Variants in ATP2B2 observed in about 807,000 individuals in gnomAD.
ATP2B2 encodes the protein ATPase plasma membrane Ca2+ transporting 2.
Under a neutral mutation model 120.0 loss-of-function variants are expected in ATP2B2, and 15 were observed. The ratio of observed to expected loss-of-function variants is 0.12; its 90% confidence interval spans 0.08 to 0.19. The LOEUF is 0.19. ATP2B2 is among the 10% of genes least tolerant of loss of function. The pLI is 1.00. For missense variants in ATP2B2, 1,045 were observed against 1,719.8 expected (o/e 0.61, Z 6.94); for synonymous variants, 694 against 700.3 (o/e 0.99, Z 0.14).
rs531424749 is a variant in ATP2B2, at chr3:10,342,199, C to A, written c.2917+553G>T. ...TGGCTGTGTGCCCTTGGGCAAGTCA[C>A]CTCACCTCTCTGAGCCTTGGTGCCC... On this transcript the variant is annotated intron_variant, in intron 19 of 22. Coordinates refer to ENST00000360273, the MANE Select transcript of ATP2B2 (RefSeq NM_001001331.4). The surrounding 1 kb of genome is among the most constrained non-coding windows in gnomAD (Gnocchi z 4.4). 3.7e-4 allele frequency among the ~76,000 whole-genome samples: 57 copies of A among 152,374 alleles called. No homozygotes were observed. The South Asian group carries it at 0.012, about 31-fold the overall frequency.
At chr3:10,396,313 C>T (rs1228136862) in intron 5 of ATP2B2, among the ~76,000 whole-genome samples, 1 of 152,254 alleles carries the variant, frequency 6.6e-6, no homozygotes, top group African/African-American at 2.4e-5. Flanking sequence ...ACCAGCTTCC[C>T]CATTGCACTG....
intron 2 of ATP2B2, among the ~76,000 whole-genome samples, chr3:10,610,000 T>C (rs1050524413): frequency 6.6e-6 from 1 of 152,044 alleles, no homozygotes; most frequent in Non-Finnish European, 1.5e-5. Context: ...AGTCTGACCA[T>C]TCCTGGTTCC....
At chr3:10,527,884 TG>T (rs1424249106) in intron 3 of ATP2B2, among the ~76,000 whole-genome samples, 2 of 147,082 alleles carry the variant, frequency 1.4e-5, no homozygotes, top group African/African-American at 2.5e-5. Flanking sequence ...CCCTGCAAGG[TG>T]GCCACGGCAC....
intron 2 of ATP2B2, among the ~76,000 whole-genome samples, chr3:10,587,957 T>A (rs2068552969): frequency 6.6e-6 from 1 of 152,200 alleles, no homozygotes; most frequent in South Asian, 2.1e-4. Flanking sequence ...GCAATACAAA[T>A]CCATAGTGAG....
At position 10,669,742 on chromosome 3, in the gene ATP2B2, C is replaced by T. The variant is rs115952008; in HGVS notation, c.-460+38173G>A. Among the ~76,000 whole-genome samples the T allele has an allele frequency of 3.3e-3, 504 of 152,268 alleles. 4 individuals are homozygous for T. The highest frequency in any genetic ancestry group is 0.011 in the African/African-American group (467 of 41,546). ...CGCCTCTGAGCCCTGGAGGTGAGTC[C>T]TCATTTTATAACCAAATTGTCACCC... On this transcript the variant is annotated intron_variant, in intron 1 of 21. Coordinates refer to the ATP2B2 transcript ENST00000646379.
intron 2 of ATP2B2, among the ~76,000 whole-genome samples, chr3:10,570,582 G>A (rs927109390): frequency 7.9e-5 from 12 of 152,098 alleles, no homozygotes; most frequent in Admixed American, 2.0e-4. Context: ...TTTTTCCCTC[G>A]TAATTAAGGC....
intron 22 of ATP2B2, chr3:10,336,023 C>T: frequency 2.9e-6 from 4 of 1,356,844 alleles, no homozygotes; most frequent in Non-Finnish European, 4.0e-6. Context: ...CCCCCTGGGC[C>T]TGATTGTGAC....
chr3:10,389,119 T>C (rs990402481), intron 5 of ATP2B2, among the ~76,000 whole-genome samples: 1 of 152,234 alleles, frequency 6.6e-6, no homozygotes, highest in Non-Finnish European at 1.5e-5. Flanking sequence ...CCTAGAACTT[T>C]AGATTTCTCA....
At chr3:10,395,723 T>C (rs2062014753) in intron 5 of ATP2B2, among the ~76,000 whole-genome samples, 1 of 152,196 alleles carries the variant, frequency 6.6e-6, no homozygotes, top group Non-Finnish European at 1.5e-5. Context: ...GACCTTAAAA[T>C]GTGGGAATTT....
intron 14 of ATP2B2, among the ~76,000 whole-genome samples, chr3:10,358,243 T>G (rs2060796842): frequency 6.6e-6 from 1 of 152,212 alleles, no homozygotes; most frequent in Non-Finnish European, 1.5e-5. Context: ...ACACCACACT[T>G]CGGGTTCTCC....
intron 2 of ATP2B2, among the ~76,000 whole-genome samples, chr3:10,542,021 A>C (rs546095807): frequency 1.3e-5 from 2 of 151,666 alleles, no homozygotes; most frequent in East Asian, 3.9e-4. Context: ...TATCTCCAGT[A>C]ATTTACTTTG....
intron 2 of ATP2B2, among the ~76,000 whole-genome samples, chr3:10,417,599 A>C (rs367598271): frequency 1.3e-5 from 2 of 152,334 alleles, no homozygotes; most frequent in South Asian, 4.1e-4. Flanking sequence ...ACCTAGGGTC[A>C]TACTAAATAG....
intron 1 of ATP2B2, among the ~76,000 whole-genome samples, chr3:10,661,539 C>A (rs1009052011): frequency 6.6e-6 from 1 of 152,150 alleles, no homozygotes; most frequent in African/African-American, 2.4e-5. Flanking sequence ...ATCCAACTTA[C>A]AAGGGAAGTG....
At chr3:10,439,481 G>A (rs1273277769) in intron 2 of ATP2B2, among the ~76,000 whole-genome samples, 1 of 152,112 alleles carries the variant, frequency 6.6e-6, no homozygotes, top group Non-Finnish European at 1.5e-5. Context: ...AGACCCCTGG[G>A]CCAGGCACAT....
chr3:10,591,479 G>T (rs931066865), intron 2 of ATP2B2, among the ~76,000 whole-genome samples: 4 of 152,070 alleles, frequency 2.6e-5, no homozygotes, highest in Admixed American at 6.5e-5. Context: ...CCACTGTGGC[G>T]CCCTGCTCTC....
chr3:10,336,422 C>T (rs2060119531), intron 22 of ATP2B2: 8 of 1,035,734 alleles, frequency 7.7e-6, no homozygotes, highest in Non-Finnish European at 1.1e-5. Context: ...TCACTTAAAT[C>T]AAAACAAAAA....
intron 1 of ATP2B2, among the ~76,000 whole-genome samples, chr3:10,623,233 T>A (rs907423943): frequency 3.3e-5 from 5 of 152,180 alleles, no homozygotes; most frequent in African/African-American, 1.2e-4. Flanking sequence ...CAGCTAATTT[T>A]TTAAAAATGT....
In ATP2B2 at chr3:10,326,861, C is replaced by T. The variant is rs1313999110; in HGVS notation, c.*1953G>A. The T allele has an allele frequency of 4.0e-5, 16 of 398,782 alleles. No individual in the cohort carries two copies. Among genetic ancestry groups the T allele is most frequent in the Admixed American group, 4.4e-5 (1 of 22,706 alleles). 24.7% of individuals were successfully genotyped at this position (398,782 alleles called of 1,614,324 possible). A position where few individuals can be genotyped will look rare whatever the true frequency, so the allele number is the denominator to read the frequency against. Reference sequence around the variant, plus strand: ...TCCCAGTTGACTATGGCTCTTTTCCCGAGTGGCTCTCATCTTGTTTGTGGA... The same window carrying T: ...TCCCAGTTGACTATGGCTCTTTTCCTGAGTGGCTCTCATCTTGTTTGTGGA... On this transcript the variant is annotated 3_prime_UTR_variant, in exon 23 of 23. Coordinates refer to ENST00000360273, the MANE Select transcript of ATP2B2 (RefSeq NM_001001331.4).
In ATP2B2 at chr3:10,499,268, G is replaced by A. The variant is rs76561238; in HGVS notation, c.-320+6197C>T. Reference sequence around the variant, plus strand: ...CCATCTTACAGGCAAGAAAACATCCGCTGAGCCTCTACCTGGACCACACCC... The same window carrying A: ...CCATCTTACAGGCAAGAAAACATCCACTGAGCCTCTACCTGGACCACACCC... On this transcript the variant is annotated intron_variant, in intron 1 of 22. Transcript: ENST00000360273. Among the ~76,000 whole-genome samples the A allele has an allele frequency of 5.2e-4, 79 of 152,160 alleles. 3 individuals are homozygous for A. The East Asian group carries it at 0.013, about 24-fold the overall frequency.
Sources: allele counts gnomAD v4.1 joint callset (sites outside exome capture counted in the v4.1 genomes callset), GRCh38; gene constraint gnomAD v4.1.1; non-coding constraint Gnocchi (gnomAD v3.1); transcripts MANE v1.5; gene names NCBI Gene and HGNC (gene_info 2026-07-23, HGNC 2026-07-21).